HPGDS: variants seen among roughly 807,000 people sequenced by gnomAD.
HPGDS encodes GST class-sigma.
A neutral mutation model predicts 23.1 loss-of-function variants in HPGDS; 26 were observed. The ratio of observed to expected loss-of-function variants is 1.13; its 90% CI spans 0.83 to 1.56. The LOEUF is 1.56. Among genes scored for constraint, HPGDS ranks in the 40% most tolerant of loss-of-function variants. HPGDS has a pLI of 0.00. For synonymous variants in HPGDS, 95 were observed against 77.9 expected, an observed-to-expected ratio of 1.22 and a Z score of -1.16; for missense variants, 268 against 236.4, an observed-to-expected ratio of 1.13 and a Z score of -0.88.
chr4:94,298,804 T>G lies in HPGDS; in HGVS notation c.*676A>C, dbSNP rs1755975766. ...GTCAGATTCCCACAGTCAGCTCTTTTCTCGATAACTCTTTATATTCAGTTT... is the reference window on the plus strand; with the variant it reads ...GTCAGATTCCCACAGTCAGCTCTTTGCTCGATAACTCTTTATATTCAGTTT... On this transcript the variant is annotated 3_prime_UTR_variant, in exon 6 of 6. Transcript: ENST00000295256. 1 of 152,186 alleles carries G rather than the reference T, an allele frequency of 6.6e-6. No individual in the cohort carries two copies. Among genetic ancestry groups the G allele is most frequent in the Non-Finnish European group, 1.5e-5 (1 of 68,020 alleles). 9.4% of individuals were successfully genotyped at this position (152,186 alleles called of 1,614,324 possible).
chr4:94,340,309 CTCTTTTTT>C lies in HPGDS; in HGVS notation c.-10+2478_-10+2485del, dbSNP rs1721123621. 3.2e-3 allele frequency among the ~76,000 whole-genome samples: 91 copies of C among 28,790 alleles called. 1 individual carries two copies. The highest frequency in any genetic ancestry group is 8.6e-3 in the African/African-American group (71 of 8,280). 18.9% of individuals were successfully genotyped at this position (28,790 alleles called of 152,430 possible). A position where few individuals can be genotyped will look rare whatever the true frequency, so the allele number is the denominator to read the frequency against. ...TCTTTCTTTCTTTCTTTCTTTCTTTCTCTTTTTTTTTTTTTTTTTTTTTTTTTTTTTTT... is the reference window on the plus strand; with the variant it reads ...TCTTTCTTTCTTTCTTTCTTTCTTTCTTTTTTTTTTTTTTTTTTTTTTTTT... On this transcript the variant is annotated intron_variant, in intron 1 of 5. Coordinates refer to ENST00000295256, the MANE Select transcript of HPGDS (RefSeq NM_014485.3).
intron 1 of HPGDS, among the ~76,000 whole-genome samples, chr4:94,340,313 T>TTCTTTCTTTC (rs1721129735): frequency 5.7e-5 from 1 of 17,610 alleles, no homozygotes; most frequent in African/African-American, 2.9e-4. Flanking sequence ...TTCTTTCTCT[T>TTCTTTCTTTC]TTTTTTTTTT....
At chr4:94,322,690 T>A (rs1756540576) in intron 2 of HPGDS, among the ~76,000 whole-genome samples, 1 of 152,168 alleles carries the variant, frequency 6.6e-6, no homozygotes, top group African/African-American at 2.4e-5. Context: ...TCTATCAATT[T>A]TGTTGATCTT....
intron 2 of HPGDS, among the ~76,000 whole-genome samples, chr4:94,323,824 G>T (rs113935789): frequency 0.01 from 1,553 of 152,162 alleles, 20 homozygotes; most frequent in African/African-American, 0.034. Context: ...TGGTTATTTT[G>T]CCCATTAGTT....
intron 2 of HPGDS, among the ~76,000 whole-genome samples, chr4:94,318,350 G>T (rs1295421322): frequency 2.0e-5 from 3 of 152,146 alleles, no homozygotes; most frequent in African/African-American, 7.2e-5. Context: ...TACATATTGA[G>T]TTATGGTAAG....
chr4:94,307,799 T>A (rs1237339303), intron 4 of HPGDS, among the ~76,000 whole-genome samples: 3 of 152,068 alleles, frequency 2.0e-5, no homozygotes, highest in African/African-American at 2.4e-5. Context: ...TTACTAATTT[T>A]AAGGAAGAAA....
intron 2 of HPGDS, among the ~76,000 whole-genome samples, chr4:94,321,736 C>A (rs542101079): frequency 2.5e-4 from 38 of 152,276 alleles, no homozygotes; most frequent in African/African-American, 8.4e-4. Flanking sequence ...TCCTCTCTTC[C>A]TAATTGAATA....
At chr4:94,313,013 T>C (rs550917507) in intron 3 of HPGDS, among the ~76,000 whole-genome samples, 1 of 152,320 alleles carries the variant, frequency 6.6e-6, no homozygotes, top group Admixed American at 6.5e-5. Context: ...CATCCCTTTA[T>C]TTTGAGCCTA....
At chr4:94,316,261 G>A (rs1336114229) in intron 3 of HPGDS, among the ~76,000 whole-genome samples, 3 of 152,210 alleles carry the variant, frequency 2.0e-5, no homozygotes, top group African/African-American at 7.2e-5. Flanking sequence ...AAAGGAGGAA[G>A]TAGCAGTATA....
chr4:94,319,743 T>C (rs898653421), intron 2 of HPGDS, among the ~76,000 whole-genome samples: 6 of 152,176 alleles, frequency 3.9e-5, no homozygotes, highest in Admixed American at 2.0e-4. Context: ...TTTTTGCTTG[T>C]GTGAGAAAGA....
At chr4:94,332,172 A>G (rs1436938679) in intron 2 of HPGDS, among the ~76,000 whole-genome samples, 3 of 151,882 alleles carry the variant, frequency 2.0e-5, no homozygotes, top group Non-Finnish European at 1.5e-5. Context: ...AGATGACTTG[A>G]CTTCAGGGGA....
At chr4:94,334,750 C>T (rs1578145681) in intron 1 of HPGDS, 112 bp from the exon 2 acceptor site, 2 of 889,688 alleles carry the variant, frequency 2.2e-6, no homozygotes, top group East Asian at 2.7e-5. Flanking sequence ...TTACTGGAGA[C>T]ATTAGAGGAT....
intron 2 of HPGDS, among the ~76,000 whole-genome samples, chr4:94,328,480 G>T (rs1373328633): frequency 1.3e-5 from 2 of 152,016 alleles, no homozygotes; most frequent in African/African-American, 4.8e-5. Context: ...AAATCCTACT[G>T]TTTTCTTATC....
chr4:94,335,977 A>C (rs1185248222), intron 1 of HPGDS, among the ~76,000 whole-genome samples: 2 of 152,150 alleles, frequency 1.3e-5, no homozygotes, highest in Admixed American at 1.3e-4. Context: ...AGGCCAAGGC[A>C]GGCGGATCAC....
At position 94,311,143 on chromosome 4, in the gene HPGDS, G is replaced by A. The variant is rs368387917; in HGVS notation, c.227-2400C>T. 1.2e-4 allele frequency among the ~76,000 whole-genome samples: 19 copies of A among 152,236 alleles called. No individual in the cohort carries two copies. In the East Asian group the frequency reaches 2.7e-3, roughly 22 times the overall value. The stretch of plus-strand genomic sequence containing the variant: ...TAACATTTATTTCCTTCTCTTGCCT[G>A]ATTGCCCTGGCCAGAACTTCCAACA... On this transcript the variant is annotated intron_variant, in intron 3 of 5. Transcript: ENST00000295256.
At chr4:94,341,413 A>C (rs1286931531) in intron 1 of HPGDS, among the ~76,000 whole-genome samples, 1 of 152,232 alleles carries the variant, frequency 6.6e-6, no homozygotes, top group African/African-American at 2.4e-5. Flanking sequence ...CTCTGACAAC[A>C]CAGGCTAATC....
intron 2 of HPGDS, 111 bp downstream of exon 2, chr4:94,334,386 A>G: frequency 1.0e-6 from 1 of 995,156 alleles, no homozygotes; most frequent in Non-Finnish European, 1.4e-6. Context: ...CTGCTTTTCA[A>G]TTTAAAGCTA....
chr4:94,310,084 T>C (rs1307418395), intron 3 of HPGDS, among the ~76,000 whole-genome samples: 4 of 152,000 alleles, frequency 2.6e-5, no homozygotes, highest in Non-Finnish European at 5.9e-5. Flanking sequence ...GTAGGTTGCC[T>C]GTTCACTCTG....
chr4:94,330,916 C>T (rs973808373), intron 2 of HPGDS, among the ~76,000 whole-genome samples: 7 of 152,110 alleles, frequency 4.6e-5, no homozygotes, highest in African/African-American at 1.7e-4. Context: ...TGGGAAGTCC[C>T]CAGAATCACA....
Sources: gnomAD v4.1 joint callset for allele counts (sites outside exome capture counted in the v4.1 genomes callset) on GRCh38, gnomAD v4.1.1 for gene constraint, MANE v1.5 for transcripts, NCBI Gene and HGNC (gene_info 2026-07-23, HGNC 2026-07-21) for gene names.